The following SPON1 variants were observed in gnomAD, a reference collection of about 807,000 sequenced individuals.
The protein encoded by SPON1 is spondin 1, also known as spondin-1.
Under a neutral mutation model 111.7 loss-of-function variants are expected in SPON1, and 52 were observed. The observed-to-expected ratio is 0.47, with a 90% CI of 0.37 to 0.59. The LOEUF is 0.59. Ranked by LOEUF, SPON1 falls within the 20% of genes least tolerant of loss-of-function variation. The probability of loss-of-function intolerance (pLI) is 0.00; values close to 1 mark genes in which losing one functional copy is unlikely to be tolerated. For synonymous variants in SPON1, 410 were observed against 395.8 expected (o/e 1.04, Z -0.43); for missense variants, 957 against 1,068.5 (o/e 0.90, Z 1.46).
In SPON1 at chr11:14,265,864, C is replaced by A; in HGVS notation, c.*177C>A. Reference sequence around the variant, plus strand: ...CTTTCTGAATACTTCTTGATGGGTACAGGCTGAGTGGGGCGCCCTCACCTC... The same window carrying A: ...CTTTCTGAATACTTCTTGATGGGTAAAGGCTGAGTGGGGCGCCCTCACCTC... On this transcript the variant is annotated 3_prime_UTR_variant, in exon 16 of 16. Coordinates refer to ENST00000576479, the MANE Select transcript of SPON1 (RefSeq NM_006108.4). The A allele has an allele frequency of 2.8e-6, 2 of 716,248 alleles. No homozygotes were observed. Among genetic ancestry groups the A allele is most frequent in the Non-Finnish European group, 2.2e-6 (1 of 455,016 alleles). The allele number at this position is 716,248 out of a possible 1,614,324, so 44.4% of individuals were successfully genotyped here. A position where few individuals can be genotyped will look rare whatever the true frequency, so the allele number is the denominator to read the frequency against.
At chr11:14,079,846 TA>T in intron 4 of SPON1, 52 bp from the exon 5 acceptor site, 2 of 1,608,874 alleles carry the variant, frequency 1.2e-6, no homozygotes, top group Non-Finnish European at 1.7e-6. Flanking sequence ...AGCACCACCT[TA>T]TATACAACCC....
intron 2 of SPON1, among the ~76,000 whole-genome samples, chr11:14,003,854 G>A (rs1030274949): frequency 6.6e-6 from 1 of 152,034 alleles, no homozygotes; most frequent in East Asian, 1.9e-4. Flanking sequence ...TCATCCTCAT[G>A]CTATACATTA....
chr11:14,129,379 A>G (rs1847501107), intron 5 of SPON1, among the ~76,000 whole-genome samples: 1 of 152,172 alleles, frequency 6.6e-6, no homozygotes, highest in Admixed American at 6.5e-5. Flanking sequence ...TTCAAGTTGA[A>G]AGTTCCACAG....
intron 6 of SPON1, among the ~76,000 whole-genome samples, chr11:14,214,292 C>T (rs879972838): frequency 2.6e-5 from 4 of 152,162 alleles, no homozygotes; most frequent in Admixed American, 2.6e-4. Flanking sequence ...GTGTTATCCA[C>T]CCAGGAGTTG....
At chr11:14,082,552 A>G (rs1554922154) in intron 5 of SPON1, among the ~76,000 whole-genome samples, 1 of 152,180 alleles carries the variant, frequency 6.6e-6, no homozygotes, top group Non-Finnish European at 1.5e-5. Flanking sequence ...TTGAACTCCG[A>G]GTCACACTCA....
chr11:14,064,189 A>T (rs1848813400), intron 3 of SPON1, among the ~76,000 whole-genome samples: 1 of 152,254 alleles, frequency 6.6e-6, no homozygotes, highest in Non-Finnish European at 1.5e-5. Flanking sequence ...TACCCTCAAA[A>T]AGCTTGGAAT....
intron 6 of SPON1, among the ~76,000 whole-genome samples, chr11:14,163,833 C>T (rs892910298): frequency 9.2e-5 from 14 of 152,060 alleles, no homozygotes; most frequent in African/African-American, 3.1e-4. Context: ...AAAGGCTCTC[C>T]AATTCCCTCC....
At chr11:14,158,661 G>A (rs1295398675) in intron 6 of SPON1, among the ~76,000 whole-genome samples, 1 of 152,142 alleles carries the variant, frequency 6.6e-6, no homozygotes, top group Non-Finnish European at 1.5e-5. Context: ...TTCTCTCCAG[G>A]ATCTTGGCCT....
chr11:14,184,450 G>C (rs1848265097), intron 6 of SPON1, among the ~76,000 whole-genome samples: 1 of 152,116 alleles, frequency 6.6e-6, no homozygotes, highest in South Asian at 2.1e-4. Context: ...ATCATTAATT[G>C]CTATTACCTC....
intron 5 of SPON1, among the ~76,000 whole-genome samples, chr11:14,099,435 A>G (rs1327116614): frequency 6.6e-6 from 1 of 151,692 alleles, no homozygotes; most frequent in Non-Finnish European, 1.5e-5. Context: ...TGATTTTCCC[A>G]TTTTGTTTTT....
At position 14,161,221 on chromosome 11, in the gene SPON1, ATATATATT is replaced by A. The variant is rs1461578362; in HGVS notation, c.825+25669_825+25676del. On this transcript the variant is annotated intron_variant, in intron 6 of 15. Transcript: ENST00000576479. ...TATATTTATATATTTATATATATCT[ATATATATT>A]TATATATTTATATATCTATATATTT... Among the ~76,000 whole-genome samples the A allele has an allele frequency of 1.8e-3, 140 of 75,676 alleles. 11 individuals carry two copies. The highest frequency in any genetic ancestry group is 3.0e-3 in the Non-Finnish European group (115 of 38,640). 49.6% of individuals were successfully genotyped at this position (75,676 alleles called of 152,430 possible).
chr11:14,183,014 G>C (rs1848251153), intron 6 of SPON1, among the ~76,000 whole-genome samples: 1 of 152,196 alleles, frequency 6.6e-6, no homozygotes, highest in Non-Finnish European at 1.5e-5. Context: ...CACCATGCTT[G>C]ATCATTTATC....
intron 7 of SPON1, among the ~76,000 whole-genome samples, chr11:14,245,512 G>A (rs1446353035): frequency 6.6e-6 from 1 of 152,186 alleles, no homozygotes; most frequent in East Asian, 1.9e-4. Context: ...GGTGAGGAAT[G>A]GCTCTGGAGC....
At chr11:14,148,761 T>C (rs2133867265) in intron 6 of SPON1, among the ~76,000 whole-genome samples, 1 of 152,344 alleles carries the variant, frequency 6.6e-6, no homozygotes, top group African/African-American at 2.4e-5. Flanking sequence ...GTCACTCTGG[T>C]GTATGTACTC....
intron 6 of SPON1, among the ~76,000 whole-genome samples, chr11:14,197,873 C>T (rs555944472): frequency 1.3e-5 from 2 of 152,094 alleles, no homozygotes. Flanking sequence ...AAGTACAGCA[C>T]CTTGGAAGGG....
intron 6 of SPON1, among the ~76,000 whole-genome samples, chr11:14,166,152 C>CT (rs1308251188): frequency 6.6e-6 from 1 of 152,144 alleles, no homozygotes; most frequent in Non-Finnish European, 1.5e-5. Context: ...AACTTTGATT[C>CT]TTTAAAAGAA....
At chr11:14,126,402 T>C (rs1165747243) in intron 5 of SPON1, among the ~76,000 whole-genome samples, 7 of 152,210 alleles carry the variant, frequency 4.6e-5, no homozygotes, top group African/African-American at 1.7e-4. Context: ...GTACCAATGA[T>C]GACAGCAGAA....
intron 5 of SPON1, among the ~76,000 whole-genome samples, chr11:14,125,234 A>G (rs548373447): frequency 3.7e-4 from 57 of 152,372 alleles, no homozygotes; most frequent in Admixed American, 3.2e-3. Flanking sequence ...TGCATCTAGC[A>G]TGAAAATAAC....
In SPON1 at chr11:14,262,927, C is replaced by G; in HGVS notation, c.2212C>G (p.Arg738Gly). Residue 738 changes from arginine (R) to glycine (G), a missense_variant, in exon 15 of 16, where the codon CGG becomes GGG. Coordinates refer to ENST00000576479, the MANE Select transcript of SPON1 (RefSeq NM_006108.4). The stretch of plus-strand genomic sequence containing the variant: ...ACGCTGGAGGGAGGCCCGAGAGAGC[C>G]GGCGGAGTGAGCAGCTGAAGGAAGA... ...KLRWREARESRRSEQLKEESE... is the reference protein window; with the variant it reads ...KLRWREARESGRSEQLKEESE... 1.2e-6 allele frequency: 2 copies of G among 1,613,660 alleles called. No homozygotes were observed. The highest frequency in any genetic ancestry group is 1.1e-5 in the South Asian group (1 of 91,046).
Sources: gnomAD v4.1 joint callset for allele counts (sites outside exome capture counted in the v4.1 genomes callset) on GRCh38, gnomAD v4.1.1 for gene constraint, MANE v1.5 for transcripts, NCBI Gene and HGNC (gene_info 2026-07-23, HGNC 2026-07-21) for gene names.